Variants in EVL observed in about 807,000 individuals in gnomAD.
The protein encoded by EVL is ena/VASP-like protein.
A neutral mutation model predicts 59.6 loss-of-function variants in EVL; 21 were observed. The ratio of observed to expected loss-of-function variants is 0.35; its 90% CI spans 0.25 to 0.51. EVL has a LOEUF of 0.51. Among genes scored for constraint, EVL ranks in the 20% least tolerant of loss-of-function variants. EVL has a pLI of 0.97. For missense variants in EVL, 462 were observed against 546.6 expected (o/e 0.85, Z 1.54); for synonymous variants, 198 against 203.5 (o/e 0.97, Z 0.23).
chr14:99,994,112 C>CTTTTTTTTTTTTTT (rs751533422), intron 1 of EVL, among the ~76,000 whole-genome samples: 3 of 55,164 alleles, frequency 5.4e-5, no homozygotes, highest in African/African-American at 8.8e-5. Flanking sequence ...AGCCTTTTGG[C>CTTTTTTTTTTTTTT]TTTTTTTTTT....
intron 1 of EVL, among the ~76,000 whole-genome samples, chr14:100,029,115 T>C (rs949666000): frequency 6.6e-5 from 10 of 152,266 alleles, no homozygotes; most frequent in African/African-American, 2.2e-4. Context: ...TCAAATGCCG[T>C]GTTTTAAAAC....
intron 4 of EVL, among the ~76,000 whole-genome samples, chr14:100,125,365 C>T (rs1230946151): frequency 1.3e-5 from 2 of 152,176 alleles, no homozygotes; most frequent in African/African-American, 2.4e-5. Flanking sequence ...CTCAGTGACG[C>T]AGAGACTCCA....
chr14:100,060,971 C>G (rs371524485), upstream of EVL, among the ~76,000 whole-genome samples: 1 of 88,382 alleles, frequency 1.1e-5, no homozygotes, highest in Non-Finnish European at 2.7e-5. Flanking sequence ...TGCTGAAAGA[C>G]AAAAAAAAAA....
At chr14:100,047,047 C>T (rs2061559509) in intron 1 of EVL, among the ~76,000 whole-genome samples, 3 of 148,850 alleles carry the variant, frequency 2.0e-5, no homozygotes, top group South Asian at 4.4e-4. Flanking sequence ...GCCACCGCGC[C>T]CAGCAGGAGG....
intron 1 of EVL, among the ~76,000 whole-genome samples, chr14:99,978,873 C>T (rs1287685146): frequency 2.0e-5 from 3 of 152,164 alleles, no homozygotes; most frequent in South Asian, 2.1e-4. Context: ...GAAGCCATAA[C>T]GCTGGAGATG....
chr14:100,056,758 T>G (rs1385938254), intron 1 of EVL, among the ~76,000 whole-genome samples: 1 of 152,088 alleles, frequency 6.6e-6, no homozygotes, highest in Non-Finnish European at 1.5e-5. Flanking sequence ...ACTCTAAGCT[T>G]GAAAAAACGA....
intron 3 of EVL, among the ~76,000 whole-genome samples, chr14:100,103,591 C>T (rs1886366651): frequency 6.6e-6 from 1 of 152,152 alleles, no homozygotes; most frequent in Non-Finnish European, 1.5e-5. Context: ...GTTTCCCTTT[C>T]TCTGGGAAGA....
intron 13 of EVL, 120 bp downstream of exon 13, chr14:100,141,913 G>A (rs1889194317): frequency 1.4e-6 from 1 of 714,228 alleles, no homozygotes; most frequent in Admixed American, 3.1e-5. Flanking sequence ...TGGGCCCTGT[G>A]AGAGATTTCA....
intron 1 of EVL, among the ~76,000 whole-genome samples, chr14:100,011,594 A>G (rs1215344403): frequency 6.6e-6 from 1 of 152,236 alleles, no homozygotes; most frequent in Admixed American, 6.5e-5. Context: ...TATTGAGCAT[A>G]TAAGAATATT....
intron 1 of EVL, among the ~76,000 whole-genome samples, chr14:100,077,502 C>T (rs958055335): frequency 6.6e-6 from 1 of 152,170 alleles, no homozygotes; most frequent in African/African-American, 2.4e-5. Context: ...GAAGAAAGGA[C>T]AGGACTGGAG....
Position 100,123,708 on chromosome 14 carries a change from C to T in EVL, c.422+106C>T, listed in dbSNP as rs1201571887. The T allele has an allele frequency of 9.4e-6, 11 of 1,164,450 alleles. No individual in the cohort carries two copies. The East Asian group carries it at 1.2e-4, about 13-fold the overall frequency. The allele number at this position is 1,164,450 out of a possible 1,614,324, so 72.1% of individuals were successfully genotyped here. ...TGCACCAGCAGCCAAGGCCAGGACT[C>T]CTAGAGGCATACACTGCGGGAGGGT... On this transcript the variant is annotated intron_variant, in intron 4 of 13. Coordinates refer to ENST00000392920, the MANE Select transcript of EVL (RefSeq NM_016337.3).
intron 13 of EVL, among the ~76,000 whole-genome samples, chr14:100,143,300 T>C (rs1307613435): frequency 1.3e-5 from 2 of 151,914 alleles, no homozygotes; most frequent in Non-Finnish European, 2.9e-5. Context: ...CTCCACTATG[T>C]TGGGGGAAGG....
At chr14:100,090,823 C>T (rs1372527923) in intron 2 of EVL, among the ~76,000 whole-genome samples, 3 of 152,094 alleles carry the variant, frequency 2.0e-5, no homozygotes, top group Admixed American at 1.3e-4. Context: ...CCATAGCTGA[C>T]GTCATAGTAT....
chr14:99,986,312 AT>A (rs1299804249), intron 1 of EVL, among the ~76,000 whole-genome samples: 6 of 149,724 alleles, frequency 4.0e-5, no homozygotes, highest in African/African-American at 1.5e-4. Context: ...AAAAAAAAAA[AT>A]CAAATGTATC....
chr14:100,130,446 G>A lies in EVL; in HGVS notation c.839+762G>A, dbSNP rs1337236325. 1.3e-5 allele frequency among the ~76,000 whole-genome samples: 2 copies of A among 152,186 alleles called. No individual in the cohort carries two copies. Among genetic ancestry groups the A allele is most frequent in the Non-Finnish European group, 2.9e-5 (2 of 68,024 alleles). On this transcript the variant is annotated intron_variant, in intron 7 of 13. Coordinates refer to ENST00000392920, the MANE Select transcript of EVL (RefSeq NM_016337.3). The surrounding 1 kb of genome is among the most constrained non-coding windows in gnomAD (Gnocchi z 4.8). ...GGCTCACTTAGGCACCAGAGGGCAC[G>A]GGAGTAGGCCTCACCTGCCAGAACA...
chr14:100,138,724 T>C (rs1326720269), intron 11 of EVL: 1 of 152,378 alleles, frequency 6.6e-6, no homozygotes, highest in Non-Finnish European at 1.5e-5. Flanking sequence ...AAGGCCACTG[T>C]GGTCCTGAGG....
At chr14:100,135,729 C>T (rs1888739028) in intron 8 of EVL, 176 bp from the exon 9 acceptor site, 1 of 601,756 alleles carries the variant, frequency 1.7e-6, no homozygotes, top group South Asian at 2.0e-5. Flanking sequence ...GCTCGATTCT[C>T]TCCCCACTGA....
At chr14:99,973,038 C>T (rs1169683688) in intron 1 of EVL, among the ~76,000 whole-genome samples, 1 of 151,922 alleles carries the variant, frequency 6.6e-6, no homozygotes, top group African/African-American at 2.4e-5. Context: ...ACAGTGTACG[C>T]ATTCTACTGT....
intron 9 of EVL, among the ~76,000 whole-genome samples, chr14:100,136,281 T>C (rs924062294): frequency 3.9e-5 from 6 of 152,224 alleles, no homozygotes; most frequent in Non-Finnish European, 8.8e-5. Context: ...TGGGAGTTTG[T>C]GTCCAGGGCT....
Sources: allele counts gnomAD v4.1 joint callset (sites outside exome capture counted in the v4.1 genomes callset), GRCh38; gene constraint gnomAD v4.1.1; non-coding constraint Gnocchi (gnomAD v3.1); transcripts MANE v1.5; gene names NCBI Gene and HGNC (gene_info 2026-07-23, HGNC 2026-07-21).